Variants in C11orf65 observed in about 807,000 individuals in gnomAD.
The protein encoded by C11orf65 is protein MFI.
C11orf65 carries 38 observed loss-of-function variants against 35.3 expected under a neutral mutation model. The observed-to-expected ratio is 1.08, with a 90% CI of 0.83 to 1.41. The LOEUF (loss-of-function observed/expected upper bound fraction) is 1.41. C11orf65 is among the 40% of genes most tolerant of loss of function. C11orf65 has a pLI of 0.00. For missense variants in C11orf65, 370 were observed against 367.1 expected (o/e 1.01, Z -0.06); for synonymous variants, 105 against 114.4 (o/e 0.92, Z 0.53).
intron 3 of C11orf65, among the ~76,000 whole-genome samples, chr11:108,421,983 G>A (rs567022067): frequency 1.3e-5 from 2 of 152,264 alleles, no homozygotes; most frequent in East Asian, 3.9e-4. Flanking sequence ...CCGGGTTGGT[G>A]TGCAGTGGCG....
chr11:108,406,856 T>C lies in C11orf65; in HGVS notation c.336A>G (p.Thr112=), dbSNP rs1419770302. The C allele has an allele frequency of 1.2e-6, 2 of 1,612,392 alleles. No homozygotes were observed. The change falls in exon 5 of 9, where the codon ACA becomes ACG. Residue 112 remains threonine, a synonymous_variant. Coordinates refer to ENST00000393084, the MANE Select transcript of C11orf65 (RefSeq NM_152587.5). The part of the protein sequence containing the change: ...RNYAKLPAKH[T]SHNKNDHLQE... ...GAAGATGATCATTTTTATTATGAGATGTATGCTTTGCTGGAAGTTTTGCAT... is the reference window on the plus strand; with the variant it reads ...GAAGATGATCATTTTTATTATGAGACGTATGCTTTGCTGGAAGTTTTGCAT...
At chr11:108,361,447 C>T (rs2090741858) in intron 2 of C11orf65, among the ~76,000 whole-genome samples, 1 of 151,958 alleles carries the variant, frequency 6.6e-6, no homozygotes, top group South Asian at 2.1e-4. Flanking sequence ...GAAAAAACTA[C>T]TTTAAAGTTC....
At chr11:108,362,281 T>C (rs2090859654) in intron 2 of C11orf65, among the ~76,000 whole-genome samples, 1 of 150,186 alleles carries the variant, frequency 6.7e-6, no homozygotes, top group African/African-American at 2.4e-5. Context: ...ATGGCAGTCA[T>C]TAAAAAGTCA....
rs1339794219 is a variant in C11orf65 at position 108,326,081 on chromosome 11, A to T, written c.641-17010T>A. 7 of 1,614,126 alleles carry T rather than the reference A, an allele frequency of 4.3e-6. No individual in the cohort carries two copies. Among genetic ancestry groups the T allele is most frequent in the Middle Eastern group, 1.7e-4 (1 of 6,060 alleles). On this transcript the variant is annotated intron_variant, in intron 6 of 6. Coordinates refer to the C11orf65 transcript ENST00000525729. ...AGCTCCCTGAAAGGGCAATATTTCA[A>T]ATTAAACAGTACAATTCAGTTAGCT...
At chr11:108,411,265 T>A (rs1374517625) in intron 3 of C11orf65, among the ~76,000 whole-genome samples, 3 of 152,152 alleles carry the variant, frequency 2.0e-5, no homozygotes, top group Non-Finnish European at 4.4e-5. Context: ...TTTGCAAAAA[T>A]TTGGTGGTTT....
At chr11:108,315,979 C>T (rs2136125251) in intron 6 of C11orf65, 1 of 1,611,126 alleles carries the variant, frequency 6.2e-7, no homozygotes, top group Non-Finnish European at 8.5e-7. Flanking sequence ...GTGTGTAAAA[C>T]CCAAAGCTAT....
chr11:108,404,039 C>T (rs1246974883), intron 6 of C11orf65, among the ~76,000 whole-genome samples: 1 of 152,108 alleles, frequency 6.6e-6, no homozygotes, highest in African/African-American at 2.4e-5. Context: ...CTGCACATAC[C>T]TCTTCCCCAG....
chr11:108,441,970 T>C (rs988067527), intron 2 of C11orf65, among the ~76,000 whole-genome samples: 13 of 152,134 alleles, frequency 8.5e-5, no homozygotes, highest in Admixed American at 7.9e-4. Context: ...GGATGGAAAA[T>C]GACTTTGATG....
chr11:108,319,167 ACT>A (rs1028635414), intron 6 of C11orf65, among the ~76,000 whole-genome samples: 1 of 152,260 alleles, frequency 6.6e-6, no homozygotes, highest in African/African-American at 2.4e-5. Flanking sequence ...ACAGAGTGAG[ACT>A]CTGTCTCAAA....
chr11:108,408,698 TA>T (rs1156484584), intron 3 of C11orf65, among the ~76,000 whole-genome samples: 2 of 106,854 alleles, frequency 1.9e-5, no homozygotes, highest in African/African-American at 9.5e-5. Context: ...TAAAATAAAA[TA>T]AAATAAAATA....
chr11:108,433,723 G>C (rs942550787), intron 2 of C11orf65, among the ~76,000 whole-genome samples: 4 of 151,658 alleles, frequency 2.6e-5, no homozygotes, highest in African/African-American at 9.7e-5. Context: ...GTCCTAACAG[G>C]GCTTGTTAGG....
intron 2 of C11orf65, among the ~76,000 whole-genome samples, chr11:108,452,003 T>A (rs1396454757): frequency 2.0e-5 from 3 of 152,146 alleles, no homozygotes; most frequent in African/African-American, 7.2e-5. Flanking sequence ...AAAAAATTAA[T>A]TCAAGATGGA....
Position 108,393,341 on chromosome 11 carries a change from GAT to G in C11orf65, c.596_597del (p.His199ProfsTer2). On this transcript the variant is annotated frameshift_variant, in exon 7 of 9. Coordinates refer to ENST00000393084, the MANE Select transcript of C11orf65 (RefSeq NM_152587.5). LOFTEE classifies it high-confidence loss of function. ...GTGTGAATTAGTCCTAGAGTTTCATGATGTGTTGACTTAGCCTCCAGACTTCC... is the reference window on the plus strand; with the variant it reads ...GTGTGAATTAGTCCTAGAGTTTCATGGTGTTGACTTAGCCTCCAGACTTCC... Reference protein sequence around the residue: ...YSGSLEAKSTHHETLGLIHTA... With the variant: ...YSGSLEAKSTXHETLGLIHTA... 6.2e-7 allele frequency: 1 copy of G among 1,614,032 alleles called. No individual in the cohort carries two copies.
At chr11:108,374,545 A>G (rs1274129433) in intron 2 of C11orf65, among the ~76,000 whole-genome samples, 2 of 152,214 alleles carry the variant, frequency 1.3e-5, no homozygotes, top group Non-Finnish European at 2.9e-5. Flanking sequence ...GAAAAAACAG[A>G]GCAGAAAAAC....
chr11:108,357,429 G>C (rs1438003977), intron 2 of C11orf65, among the ~76,000 whole-genome samples: 2 of 152,230 alleles, frequency 1.3e-5, no homozygotes, highest in Non-Finnish European at 2.9e-5. Flanking sequence ...AGCTCGAACT[G>C]GGTGGAACCC....
At chr11:108,442,413 C>G (rs1351623799) in intron 2 of C11orf65, among the ~76,000 whole-genome samples, 1 of 152,146 alleles carries the variant, frequency 6.6e-6, no homozygotes, top group Admixed American at 6.6e-5. Flanking sequence ...AGAATACTAT[C>G]CAGGAGAACT....
intron 3 of C11orf65, chr11:108,332,128 C>A (rs2136536005): frequency 6.6e-7 from 1 of 1,511,632 alleles, no homozygotes; most frequent in African/African-American, 1.4e-5. Context: ...TATTAAGATG[C>A]CATCTAAAAT....
intron 2 of C11orf65, among the ~76,000 whole-genome samples, chr11:108,358,997 T>A (rs1394884260): frequency 6.6e-6 from 1 of 151,672 alleles, no homozygotes; most frequent in African/African-American, 2.4e-5. Context: ...AGACACAGAC[T>A]GGCAAATTGG....
chr11:108,356,521 A>T (rs925448061), intron 2 of C11orf65, among the ~76,000 whole-genome samples: 1 of 148,500 alleles, frequency 6.7e-6, no homozygotes, highest in African/African-American at 2.5e-5. Context: ...GGGCGACAAG[A>T]GCAAGACTCT....
Sources: allele counts gnomAD v4.1 joint callset (sites outside exome capture counted in the v4.1 genomes callset), GRCh38; gene constraint gnomAD v4.1.1; transcripts MANE v1.5; gene names NCBI Gene and HGNC (gene_info 2026-07-23, HGNC 2026-07-21).